Variants in CELF6 observed in about 807,000 individuals in gnomAD.
CELF6 encodes CUGBP Elav-like family member 6, also known as Bruno -like 6, RNA binding protein.
A neutral mutation model predicts 53.1 loss-of-function variants in CELF6; 32 were observed. That is an observed-to-expected ratio of 0.60 (90% CI 0.46 to 0.81). CELF6 has a LOEUF of 0.81. Ranked by LOEUF, CELF6 falls within the 30% of genes least tolerant of loss-of-function variation. The probability of loss-of-function intolerance (pLI) is 0.00; values close to 1 mark genes in which losing one functional copy is unlikely to be tolerated. For missense variants in CELF6, 539 were observed against 669.5 expected (o/e 0.81, Z 2.15); for synonymous variants, 291 against 288.8 (o/e 1.01, Z -0.08).
chr15:72,305,754 C>T (rs904295790), intron 2 of CELF6, among the ~76,000 whole-genome samples: 12 of 152,158 alleles, frequency 7.9e-5, no homozygotes, highest in Non-Finnish European at 1.5e-5. Context: ...CTGCATTCTC[C>T]TCTGAGCTTC....
chr15:72,319,578 T>C lies in CELF6; in HGVS notation c.262+35A>G, dbSNP rs1241783202. On this transcript the variant is annotated intron_variant, in intron 1 of 12. Transcript: ENST00000287202. The surrounding 1 kb of genome is among the most constrained non-coding windows in gnomAD (Gnocchi z 5.0). ...GGGGTCGGGCCACACTCTAATCGGA[T>C]TGGGGCTGGGCTGGGCTGGGCTGAC... The C allele has an allele frequency of 2.8e-5, 42 of 1,505,644 alleles. No homozygotes were observed. The highest frequency in any genetic ancestry group is 7.5e-5 in the East Asian group (3 of 40,222). 93.3% of individuals were successfully genotyped at this position (1,505,644 alleles called of 1,614,324 possible). A position where few individuals can be genotyped will look rare whatever the true frequency, so the allele number is the denominator to read the frequency against.
intron 2 of CELF6, among the ~76,000 whole-genome samples, chr15:72,308,410 A>G (rs2088257397): frequency 6.6e-6 from 1 of 151,716 alleles, no homozygotes; most frequent in African/African-American, 2.4e-5. Flanking sequence ...TATTTTTAGT[A>G]AAGACGGGGT....
chr15:72,288,750 G>A lies in CELF6; in HGVS notation c.1093+118C>T. ...CTCACCCCAAGAGAGGTCGTTCTGG[G>A]GGTAGGAGGGGATGGGAGGATCAAC... On this transcript the variant is annotated intron_variant, in intron 9 of 12. Coordinates refer to ENST00000287202, the MANE Select transcript of CELF6 (RefSeq NM_052840.5). The surrounding 1 kb of genome is among the most constrained non-coding windows in gnomAD (Gnocchi z 4.6). 2 of 1,342,806 alleles carry A rather than the reference G, an allele frequency of 1.5e-6. No homozygotes were observed. Among genetic ancestry groups the A allele is most frequent in the Non-Finnish European group, 1.0e-6 (1 of 955,382 alleles). The allele number at this position is 1,342,806 out of a possible 1,614,324, so 83.2% of individuals were successfully genotyped here.
In CELF6 at chr15:72,289,001, A is replaced by C. The variant is rs1451402048; in HGVS notation, c.1031-71T>G. 1 of 1,422,700 alleles carries C rather than the reference A, an allele frequency of 7.0e-7. No homozygotes were observed. Among genetic ancestry groups the C allele is most frequent in the East Asian group, 2.5e-5 (1 of 40,180 alleles). 88.1% of individuals were successfully genotyped at this position (1,422,700 alleles called of 1,614,324 possible). A position where few individuals can be genotyped will look rare whatever the true frequency, so the allele number is the denominator to read the frequency against. On this transcript the variant is annotated intron_variant, in intron 8 of 12. Transcript: ENST00000287202. The surrounding 1 kb of genome is among the most constrained non-coding windows in gnomAD (Gnocchi z 7.6). The stretch of plus-strand genomic sequence containing the variant: ...AGCAGAGTGGGTGAGAAGCTCAGGG[A>C]GTGTGGGAGGTGGACGGCGGCTGTG...
chr15:72,296,500 G>C (rs1261296294), intron 3 of CELF6, among the ~76,000 whole-genome samples: 1 of 152,140 alleles, frequency 6.6e-6, no homozygotes, highest in African/African-American at 2.4e-5. Flanking sequence ...TGGAATGGGA[G>C]AACACATTTG....
chr15:72,319,799 C>A lies in CELF6; in HGVS notation c.76G>T (p.Gly26Cys). Residue 26 changes from glycine (G) to cysteine (C), a missense_variant, in exon 1 of 13, where the codon GGC becomes TGC. Physicochemically the swap from Gly to Cys is radical, Grantham distance 159 (BLOSUM62 -3). Transcript: ENST00000287202. This position sits in a 1 kb window ranked among gnomAD's most constrained non-coding sequence, Gnocchi z 5.0. Reference sequence around the variant, plus strand: ...GGGTTTAGCCCGCTCATGCCGACGCCGCTGTCCGCGGTGCTGAAACCCAGG... The same window carrying A: ...GGGTTTAGCCCGCTCATGCCGACGCAGCTGTCCGCGGTGCTGAAACCCAGG... ...PRLGFSTADS[G>C]VGMSGLNPGP... 1 of 1,558,930 alleles carries A rather than the reference C, an allele frequency of 6.4e-7. No homozygotes were observed. The highest frequency in any genetic ancestry group is 8.7e-7 in the Non-Finnish European group (1 of 1,150,884).
At chr15:72,290,511 T>C (rs2087991378) in intron 3 of CELF6, among the ~76,000 whole-genome samples, 2 of 152,196 alleles carry the variant, frequency 1.3e-5, no homozygotes, top group Non-Finnish European at 2.9e-5. Context: ...GGGCTGCTCT[T>C]GTGGGGAGTA....
intron 3 of CELF6, among the ~76,000 whole-genome samples, chr15:72,298,687 T>A (rs2088109898): frequency 6.6e-6 from 1 of 152,238 alleles, no homozygotes; most frequent in Admixed American, 6.5e-5. Flanking sequence ...AATTCAATAA[T>A]TTTTAATATT....
chr15:72,287,173 C>A, intron 12 of CELF6, 64 bp downstream of exon 12: 1 of 1,474,404 alleles, frequency 6.8e-7, no homozygotes, highest in South Asian at 1.3e-5. Flanking sequence ...AAAAGGAGGA[C>A]CATCAAAGCT....
intron 1 of CELF6, among the ~76,000 whole-genome samples, chr15:72,316,329 C>T (rs1462922425): frequency 1.3e-5 from 2 of 152,188 alleles, no homozygotes; most frequent in African/African-American, 4.8e-5. Context: ...CAGGATCAGC[C>T]TCAATTCCTT....
At chr15:72,299,505 A>G (rs2088124545) in intron 3 of CELF6, among the ~76,000 whole-genome samples, 1 of 151,478 alleles carries the variant, frequency 6.6e-6, no homozygotes, top group African/African-American at 2.4e-5. Context: ...GATTACAGGC[A>G]CACACCACCA....
chr15:72,303,122 A>C (rs2088179666), intron 3 of CELF6, among the ~76,000 whole-genome samples: 1 of 151,994 alleles, frequency 6.6e-6, no homozygotes, highest in African/African-American at 2.4e-5. Context: ...TCACTCACAT[A>C]CTCTTAGTTG....
chr15:72,304,908 C>A, intron 2 of CELF6, 114 bp from the exon 3 acceptor site: 1 of 793,204 alleles, frequency 1.3e-6, no homozygotes, highest in Admixed American at 2.3e-5. Context: ...TTGAACTCTG[C>A]ACTCTACCAC....
At chr15:72,296,216 C>T (rs2088075775) in intron 3 of CELF6, among the ~76,000 whole-genome samples, 2 of 152,088 alleles carry the variant, frequency 1.3e-5, no homozygotes, top group African/African-American at 4.8e-5. Context: ...ACCATATACA[C>T]AAGATTAACT....
chr15:72,288,777 C>T lies in CELF6; in HGVS notation c.1093+91G>A. 3 of 1,402,126 alleles carry T rather than the reference C, an allele frequency of 2.1e-6. No individual in the cohort carries two copies. The highest frequency in any genetic ancestry group is 3.0e-6 in the Non-Finnish European group (3 of 1,010,694). The allele number at this position is 1,402,126 out of a possible 1,614,324, so 86.9% of individuals were successfully genotyped here. ...GTAGGAGGGGATGGGAGGATCAACT[C>T]CTTGGAACAGAGCCTAAATCCCCCA... On this transcript the variant is annotated intron_variant, in intron 9 of 12. Coordinates refer to ENST00000287202, the MANE Select transcript of CELF6 (RefSeq NM_052840.5). This position sits in a 1 kb window ranked among gnomAD's most constrained non-coding sequence, Gnocchi z 4.6.
At position 72,289,603 on chromosome 15, in the gene CELF6, C is replaced by G; in HGVS notation, c.747+24G>C. On this transcript the variant is annotated intron_variant, in intron 6 of 12. Coordinates refer to ENST00000287202, the MANE Select transcript of CELF6 (RefSeq NM_052840.5). The surrounding 1 kb of genome is among the most constrained non-coding windows in gnomAD (Gnocchi z 7.6). ...CCTGGCCCACCCACCTGCGCGCCCT[C>G]GCACGCAGGTGCCCGGTACCTACCG... 1 of 1,484,496 alleles carries G rather than the reference C, an allele frequency of 6.7e-7. No individual in the cohort carries two copies. The allele number at this position is 1,484,496 out of a possible 1,614,324, so 92.0% of individuals were successfully genotyped here.
At chr15:72,300,573 C>T (rs1465839210) in intron 3 of CELF6, among the ~76,000 whole-genome samples, 1 of 152,166 alleles carries the variant, frequency 6.6e-6, no homozygotes, top group Non-Finnish European at 1.5e-5. Context: ...GTGGCTCACA[C>T]CTGTAATCCC....
rs527784164 is a variant in CELF6 at position 72,319,126 on chromosome 15, T to G, written c.262+487A>C. On this transcript the variant is annotated intron_variant, in intron 1 of 12. Coordinates refer to ENST00000287202, the MANE Select transcript of CELF6 (RefSeq NM_052840.5). This position sits in a 1 kb window ranked among gnomAD's most constrained non-coding sequence, Gnocchi z 5.0. ...AGTCTGAGAGTCAAAAGAAGGCTCTTGAGGGGGATGGCCGGACTAGGAGGC... is the reference window on the plus strand; with the variant it reads ...AGTCTGAGAGTCAAAAGAAGGCTCTGGAGGGGGATGGCCGGACTAGGAGGC... Among the ~76,000 whole-genome samples, 2 of 151,960 alleles carry G rather than the reference T, an allele frequency of 1.3e-5. No homozygotes were observed. The highest frequency in any genetic ancestry group is 4.8e-5 in the African/African-American group (2 of 41,436).
chr15:72,308,754 G>A (rs1413244223), intron 2 of CELF6, among the ~76,000 whole-genome samples: 2 of 151,818 alleles, frequency 1.3e-5, no homozygotes, highest in East Asian at 1.9e-4. Flanking sequence ...CACCCAGGTT[G>A]GAGTGCAGTG....
Sources: gnomAD v4.1 joint callset for allele counts (sites outside exome capture counted in the v4.1 genomes callset) on GRCh38, gnomAD v4.1.1 for gene constraint, Gnocchi (gnomAD v3.1) non-coding constraint, MANE v1.5 for transcripts, NCBI Gene and HGNC (gene_info 2026-07-23, HGNC 2026-07-21) for gene names.